The following XPR1 variants were observed in gnomAD, a reference collection of about 807,000 sequenced individuals.
The protein encoded by XPR1 is solute carrier family 53 member 1.
In XPR1, 28 loss-of-function variants were observed where a neutral mutation model predicts 87.5. That is an observed-to-expected ratio of 0.32 (90% CI 0.24 to 0.44). The LOEUF is 0.44. XPR1 is among the 20% of genes least tolerant of loss of function. The pLI is 1.00. For synonymous variants in XPR1, 300 were observed against 306.1 expected (o/e 0.98, Z 0.21); for missense variants, 559 against 862.3 (o/e 0.65, Z 4.41).
At chr1:180,648,571 G>A (rs1475298271) in intron 1 of XPR1, among the ~76,000 whole-genome samples, 2 of 152,138 alleles carry the variant, frequency 1.3e-5, no homozygotes, top group Non-Finnish European at 2.9e-5. Context: ...CAGTAGCACA[G>A]TCTCAGCTCA....
At chr1:180,820,083 A>G (rs1650571603) in intron 7 of XPR1, among the ~76,000 whole-genome samples, 1 of 152,114 alleles carries the variant, frequency 6.6e-6, no homozygotes, top group South Asian at 2.1e-4. Flanking sequence ...GAAATTAGTA[A>G]TGACATCTTA....
chr1:180,696,167 T>C (rs12749805), intron 2 of XPR1, among the ~76,000 whole-genome samples: 847 of 77,382 alleles, frequency 0.011, 4 homozygotes, highest in Middle Eastern at 0.025. Context: ...TATTCCTGGG[T>C]GTGTGTGTGT....
intron 1 of XPR1, among the ~76,000 whole-genome samples, chr1:180,666,416 A>G (rs1415541940): frequency 6.6e-6 from 1 of 152,228 alleles, no homozygotes; most frequent in Non-Finnish European, 1.5e-5. Context: ...TATAATACAC[A>G]TGAACGTAGG....
chr1:180,771,239 G>A (rs1648500696), intron 2 of XPR1, among the ~76,000 whole-genome samples: 2 of 151,986 alleles, frequency 1.3e-5, no homozygotes, highest in African/African-American at 4.8e-5. Context: ...AGCTCAGGTA[G>A]TGGTATTACA....
At position 180,661,734 on chromosome 1, in the gene XPR1, G is replaced by T. The variant is rs187317988; in HGVS notation, c.70-20626G>T. On this transcript the variant is annotated intron_variant, in intron 1 of 14. Transcript: ENST00000367590. ...AAAAAAATATGCAAAAATTAGCTGG[G>T]CATGGTGGCACGTACCTGTAGTCCC... 5.2e-4 allele frequency among the ~76,000 whole-genome samples: 79 copies of T among 152,160 alleles called. 1 individual carries two copies. The highest frequency in any genetic ancestry group is 3.4e-3 in the Middle Eastern group (1 of 294).
chr1:180,773,454 G>A (rs146740614), intron 2 of XPR1, among the ~76,000 whole-genome samples: 102 of 152,296 alleles, frequency 6.7e-4, no homozygotes, highest in Non-Finnish European at 1.2e-3. Flanking sequence ...AAGAACAACA[G>A]AGAGTTACTA....
intron 1 of XPR1, among the ~76,000 whole-genome samples, chr1:180,677,846 A>G (rs1440004226): frequency 6.6e-6 from 1 of 152,224 alleles, no homozygotes; most frequent in Non-Finnish European, 1.5e-5. Context: ...CCTGGAATGA[A>G]CAAGGACAAT....
At chr1:180,850,405 T>C (rs1469229556) in intron 11 of XPR1, among the ~76,000 whole-genome samples, 1 of 152,212 alleles carries the variant, frequency 6.6e-6, no homozygotes, top group Non-Finnish European at 1.5e-5. Flanking sequence ...AACCATAATA[T>C]GGAATACATA....
intron 2 of XPR1, among the ~76,000 whole-genome samples, chr1:180,694,237 G>C (rs1421135856): frequency 6.6e-6 from 1 of 152,126 alleles, no homozygotes; most frequent in Non-Finnish European, 1.5e-5. Flanking sequence ...GGGATTATAG[G>C]CATGAGCTGC....
At chr1:180,681,204 G>A (rs1461956404) in intron 1 of XPR1, among the ~76,000 whole-genome samples, 2 of 152,082 alleles carry the variant, frequency 1.3e-5, no homozygotes, top group African/African-American at 4.8e-5. Flanking sequence ...CCTAGAAGGA[G>A]GATATTGAAT....
Position 180,715,769 on chromosome 1 carries a change from C to T in XPR1, c.121+33358C>T, listed in dbSNP as rs373998279. 8.6e-5 allele frequency among the ~76,000 whole-genome samples: 13 copies of T among 151,940 alleles called. No homozygotes were observed. The East Asian group carries it at 1.4e-3, about 16-fold the overall frequency. ...TTGGCTCACTGCAACCTCTGCCTCC[C>T]GGAAGCGATTCTCCTGCCTCAGCCT... On this transcript the variant is annotated intron_variant, in intron 2 of 14. Coordinates refer to ENST00000367590, the MANE Select transcript of XPR1 (RefSeq NM_004736.4).
intron 1 of XPR1, among the ~76,000 whole-genome samples, chr1:180,647,900 T>A (rs1655170800): frequency 1.2e-5 from 1 of 84,262 alleles, no homozygotes; most frequent in Admixed American, 1.3e-4. Flanking sequence ...GACTCTTATC[T>A]GCAAAAAAAA....
intron 2 of XPR1, among the ~76,000 whole-genome samples, chr1:180,714,262 A>G (rs970299851): frequency 1.5e-5 from 2 of 136,580 alleles, no homozygotes; most frequent in Non-Finnish European, 3.2e-5. Context: ...ATCCTTCTCT[A>G]GCATCATCAT....
chr1:180,869,613 G>A (rs1365550892), intron 12 of XPR1, among the ~76,000 whole-genome samples: 2 of 31,188 alleles, frequency 6.4e-5, no homozygotes, highest in Admixed American at 4.8e-4. Context: ...AGAGGTGTTT[G>A]TAGTATTCTC....
chr1:180,822,643 G>A (rs868314607), intron 7 of XPR1, among the ~76,000 whole-genome samples: 1 of 152,144 alleles, frequency 6.6e-6, no homozygotes, highest in Non-Finnish European at 1.5e-5. Flanking sequence ...AAAGGAAAAA[G>A]AAACTAATAT....
intron 1 of XPR1, among the ~76,000 whole-genome samples, chr1:180,663,411 G>A (rs924638434): frequency 6.6e-6 from 1 of 152,186 alleles, no homozygotes; most frequent in African/African-American, 2.4e-5. Flanking sequence ...CCACCTTGGT[G>A]GTCTTGGATA....
At position 180,749,243 on chromosome 1, in the gene XPR1, A is replaced by T. The variant is rs547860058; in HGVS notation, c.122-38510A>T. Reference sequence around the variant, plus strand: ...GAAGAAATTGATGTAGAAAATGCCAATGAAGCAGATTAAACTTAAATTTTT... The same window carrying T: ...GAAGAAATTGATGTAGAAAATGCCATTGAAGCAGATTAAACTTAAATTTTT... On this transcript the variant is annotated intron_variant, in intron 2 of 14. Coordinates refer to ENST00000367590, the MANE Select transcript of XPR1 (RefSeq NM_004736.4). 5.3e-5 allele frequency among the ~76,000 whole-genome samples: 8 copies of T among 152,370 alleles called. No homozygotes were observed. In the East Asian group the frequency reaches 1.5e-3, roughly 29 times the overall value.
At chr1:180,880,771 C>G (rs2102227369) in intron 14 of XPR1, among the ~76,000 whole-genome samples, 1 of 152,276 alleles carries the variant, frequency 6.6e-6, no homozygotes, top group South Asian at 2.1e-4. Flanking sequence ...TGGACCAGTT[C>G]CCTCACAGAA....
At chr1:180,675,542 T>C (rs1422914700) in intron 1 of XPR1, among the ~76,000 whole-genome samples, 2 of 152,228 alleles carry the variant, frequency 1.3e-5, no homozygotes, top group Admixed American at 6.5e-5. Context: ...TTCACAATTA[T>C]AACAGAAATA....
Sources: gnomAD v4.1 joint callset for allele counts (sites outside exome capture counted in the v4.1 genomes callset) on GRCh38, gnomAD v4.1.1 for gene constraint, MANE v1.5 for transcripts, NCBI Gene and HGNC (gene_info 2026-07-23, HGNC 2026-07-21) for gene names.